Variants in DMXL1 observed in about 807,000 individuals in gnomAD.
The protein encoded by DMXL1 is Dmx like 1.
A neutral mutation model predicts 319.2 loss-of-function variants in DMXL1; 99 were observed. That is an observed-to-expected ratio of 0.31 (90% CI 0.26 to 0.37). The LOEUF is 0.37. Among genes scored for constraint, DMXL1 ranks in the 10% least tolerant of loss-of-function variants. The pLI is 1.00. For synonymous variants in DMXL1, 1,385 were observed against 1,235.2 expected (o/e 1.12, Z -2.54); for missense variants, 3,745 against 3,595.6 (o/e 1.04, Z -1.06).
At chr5:119,208,699 AT>A (rs1782197850) in intron 34 of DMXL1, among the ~76,000 whole-genome samples, 1 of 152,172 alleles carries the variant, frequency 6.6e-6, no homozygotes, top group African/African-American at 2.4e-5. Flanking sequence ...TAAAAAAAAA[AT>A]CTTTGTAAGG....
Position 119,149,340 on chromosome 5 carries a change from G to A in DMXL1, c.3513G>A (p.Lys1171=). ...TTATGTATGGACCCCTGGCTGGCAA[G>A]GTACAAGACCAAACTGGTAAGGAAA... is the stretch of plus-strand genomic sequence containing the variant. ...KLFMYGPLAG[K]VQDQTGKETL... is the part of the protein sequence containing the mutation. The change falls in exon 18 of 44, where the codon AAG becomes AAA. Residue 1171 remains lysine, a synonymous_variant. Transcript: ENST00000539542. 1 of 1,613,918 alleles carries A rather than the reference G, an allele frequency of 6.2e-7. No homozygotes were observed. Among genetic ancestry groups the A allele is most frequent in the Non-Finnish European group, 8.5e-7 (1 of 1,179,880 alleles).
chr5:119,104,254 G>A lies in DMXL1; in HGVS notation c.286-926G>A, dbSNP rs539203934. 9 of 152,254 alleles carry A rather than the reference G, an allele frequency of 5.9e-5. 1 individual carries two copies. The South Asian group carries it at 1.7e-3, about 28-fold the overall frequency. The allele number at this position is 152,254 out of a possible 1,614,324, so 9.4% of individuals were successfully genotyped here. ...TGGGATTGTGTCTATGCACTTATAT[G>A]TCTTGTTCTAGAGAGGGTTCTGGTA... is the stretch of plus-strand genomic sequence containing the variant. On this transcript the variant is annotated intron_variant, in intron 3 of 43. Transcript: ENST00000539542.
chr5:119,216,481 A>G (rs559732819), intron 34 of DMXL1, among the ~76,000 whole-genome samples: 52 of 152,252 alleles, frequency 3.4e-4, no homozygotes, highest in Middle Eastern at 3.2e-3. Context: ...AAAAAATGCA[A>G]CAGTGACCCT....
At chr5:119,245,426 C>G (rs1789554686) in intron 43 of DMXL1, among the ~76,000 whole-genome samples, 1 of 151,998 alleles carries the variant, frequency 6.6e-6, no homozygotes, top group Admixed American at 6.6e-5. Context: ...TTTTAAAAGC[C>G]TTTTTCTTAA....
At chr5:119,159,755 C>A (rs1400787082) in intron 19 of DMXL1, among the ~76,000 whole-genome samples, 1 of 152,204 alleles carries the variant, frequency 6.6e-6, no homozygotes, top group Non-Finnish European at 1.5e-5. Flanking sequence ...TCTCAAGTAG[C>A]TGGGATTACA....
chr5:119,213,394 C>T (rs1783139373), intron 34 of DMXL1, among the ~76,000 whole-genome samples: 1 of 152,178 alleles, frequency 6.6e-6, no homozygotes, highest in Non-Finnish European at 1.5e-5. Flanking sequence ...TATCTGCTTT[C>T]ACCTACCCAA....
intron 23 of DMXL1, among the ~76,000 whole-genome samples, 195 bp from the exon 24 acceptor site, chr5:119,169,995 T>G (rs1479581863): frequency 6.6e-6 from 1 of 152,198 alleles, no homozygotes; most frequent in African/African-American, 2.4e-5. Flanking sequence ...AATCTTTGTT[T>G]TCCTACTTTG....
At chr5:119,074,790 C>T (rs1307002975) in intron 1 of DMXL1, among the ~76,000 whole-genome samples, 1 of 152,146 alleles carries the variant, frequency 6.6e-6, no homozygotes, top group African/African-American at 2.4e-5. Flanking sequence ...TATGACTTCC[C>T]ACGCTTCATT....
At chr5:119,223,207 C>T (rs111551950) in intron 37 of DMXL1, among the ~76,000 whole-genome samples, 3 of 152,004 alleles carry the variant, frequency 2.0e-5, no homozygotes, top group Non-Finnish European at 4.4e-5. Context: ...CAGGCATGCA[C>T]TACCATGCCC....
intron 13 of DMXL1, among the ~76,000 whole-genome samples, chr5:119,135,704 G>A (rs1292470727): frequency 6.6e-6 from 1 of 152,196 alleles, no homozygotes; most frequent in Non-Finnish European, 1.5e-5. Context: ...AGTTTCCCCT[G>A]TGCACGTGCC....
intron 1 of DMXL1, among the ~76,000 whole-genome samples, chr5:119,084,372 A>C (rs6871228): frequency 2.0e-5 from 3 of 152,042 alleles, no homozygotes; most frequent in Non-Finnish European, 4.4e-5. Flanking sequence ...CACCTGCCTC[A>C]GCCTCCCAAA....
At chr5:119,142,938 C>A (rs1395612202) in intron 13 of DMXL1, among the ~76,000 whole-genome samples, 2 of 151,944 alleles carry the variant, frequency 1.3e-5, no homozygotes, top group African/African-American at 4.8e-5. Flanking sequence ...GGAGGCCATT[C>A]TTTAAGGAGG....
intron 13 of DMXL1, among the ~76,000 whole-genome samples, chr5:119,136,030 A>G (rs1376608460): frequency 2.6e-5 from 4 of 152,174 alleles, no homozygotes; most frequent in African/African-American, 9.7e-5. Context: ...CTTCCTAGAG[A>G]CTTGTTGAAT....
intron 8 of DMXL1, 147 bp from the exon 9 acceptor site, chr5:119,120,824 C>G: frequency 1.9e-6 from 1 of 522,438 alleles, no homozygotes; most frequent in Admixed American, 4.0e-5. Flanking sequence ...GGTGTTTTTA[C>G]ATATAAAATG....
At chr5:119,210,551 C>T (rs1176899621) in intron 34 of DMXL1, among the ~76,000 whole-genome samples, 3 of 152,034 alleles carry the variant, frequency 2.0e-5, no homozygotes, top group Non-Finnish European at 4.4e-5. Context: ...TCTTTTCTTT[C>T]ACTAAACTAC....
chr5:119,152,082 AATGAGAGACTTG>A, intron 19 of DMXL1, 46 bp downstream of exon 19: 2 of 1,320,142 alleles, frequency 1.5e-6, no homozygotes, highest in Non-Finnish European at 2.1e-6. Flanking sequence ...GCGAGTAGAA[AATGAGAGACTTG>A]GGAGTTTTTA....
intron 8 of DMXL1, among the ~76,000 whole-genome samples, chr5:119,119,667 G>A (rs147913626): frequency 2.6e-5 from 4 of 151,566 alleles, no homozygotes; most frequent in East Asian, 1.9e-4. Context: ...GCATCACCAC[G>A]CCCAGCTAAT....
At position 119,155,364 on chromosome 5, in the gene DMXL1, G is replaced by T. The variant is rs562128920; in HGVS notation, c.4702+3328G>T. On this transcript the variant is annotated intron_variant, in intron 19 of 43. Transcript: ENST00000539542. ...TGGGGACATGTGTAATTCATGGGAG[G>T]AGGTCAAAATATCAACATTAACAAG... Among the ~76,000 whole-genome samples the T allele has an allele frequency of 7.9e-5, 12 of 152,266 alleles. 1 individual carries two copies. The highest frequency in any genetic ancestry group is 2.6e-4 in the African/African-American group (11 of 41,554).
At chr5:119,154,166 G>C (rs1028693057) in intron 19 of DMXL1, among the ~76,000 whole-genome samples, 1 of 152,100 alleles carries the variant, frequency 6.6e-6, no homozygotes, top group Non-Finnish European at 1.5e-5. Context: ...TAGAAATTAG[G>C]ACAGTTTAAC....
Sources: allele counts gnomAD v4.1 joint callset (sites outside exome capture counted in the v4.1 genomes callset), GRCh38; gene constraint gnomAD v4.1.1; transcripts MANE v1.5; gene names NCBI Gene and HGNC (gene_info 2026-07-23, HGNC 2026-07-21).